The following LRRTM4 variants were observed in gnomAD, a reference collection of about 807,000 sequenced individuals.
The protein encoded by LRRTM4 is leucine-rich repeat transmembrane neuronal protein 4.
Under a neutral mutation model 47.6 loss-of-function variants are expected in LRRTM4, and 25 were observed. The observed-to-expected ratio is 0.53, with a 90% CI of 0.38 to 0.73. The LOEUF is 0.73. Among genes scored for constraint, LRRTM4 ranks in the 30% least tolerant of loss-of-function variants. The probability of loss-of-function intolerance (pLI) is 0.00; values close to 1 mark genes in which losing one functional copy is unlikely to be tolerated. For missense variants in LRRTM4, 638 were observed against 713.4 expected (o/e 0.89, Z 1.20); for synonymous variants, 311 against 269.5 (o/e 1.15, Z -1.51).
At chr2:77,072,800 CAAAAAAAA>C (rs373786120) in intron 3 of LRRTM4, among the ~76,000 whole-genome samples, 21 of 78,742 alleles carry the variant, frequency 2.7e-4, no homozygotes, top group African/African-American at 9.0e-4. Context: ...CTCCGTCTTC[CAAAAAAAA>C]AAAAAAAAAA....
chr2:76,996,576 T>C lies in LRRTM4; in HGVS notation c.1552-247660A>G, dbSNP rs145378934. Among the ~76,000 whole-genome samples, 248 of 152,140 alleles carry C rather than the reference T, an allele frequency of 1.6e-3. 1 individual carries two copies. The highest frequency in any genetic ancestry group is 0.01 in the Middle Eastern group (3 of 294). ...CACAGGAAAAATAAAAAAATGACTA[T>C]AAAGCTGCACTAATTCTTAAGTGCG... On this transcript the variant is annotated intron_variant, in intron 3 of 3. Coordinates refer to ENST00000409884, the MANE Select transcript of LRRTM4 (RefSeq NM_001134745.3).
intron 3 of LRRTM4, among the ~76,000 whole-genome samples, chr2:77,043,846 A>T (rs999782914): frequency 2.0e-5 from 3 of 151,738 alleles, no homozygotes; most frequent in African/African-American, 7.2e-5. Context: ...AAAAAAATCA[A>T]TTATAATGTC....
chr2:77,259,314 C>A lies in LRRTM4; in HGVS notation c.1551+259004G>T, dbSNP rs1279583333. On this transcript the variant is annotated intron_variant, in intron 3 of 3. Transcript: ENST00000409884. ...ATAAAGTGGAAACAATAATACTGTCCTTAAAAAGTGTTATGAGTGTCAATT... is the reference window on the plus strand; with the variant it reads ...ATAAAGTGGAAACAATAATACTGTCATTAAAAAGTGTTATGAGTGTCAATT... Among the ~76,000 whole-genome samples the A allele has an allele frequency of 2.6e-5, 4 of 152,076 alleles. No individual in the cohort carries two copies. The East Asian group carries it at 7.8e-4, about 29-fold the overall frequency.
chr2:76,873,522 A>ATATGTT lies in LRRTM4; in HGVS notation c.1552-124607_1552-124606insAACATA, dbSNP rs1672696603. 2.1e-5 allele frequency among the ~76,000 whole-genome samples: 3 copies of ATATGTT among 145,160 alleles called. No individual in the cohort carries two copies. In the Admixed American group the frequency reaches 2.1e-4, roughly 10 times the overall value. ...TATATGTGTGTATATATATATATATATATATATATATACAACATAGTTGTA... is the reference window on the plus strand; with the variant it reads ...TATATGTGTGTATATATATATATATATATGTTTATATATATATACAACATAGTTGTA... On this transcript the variant is annotated intron_variant, in intron 3 of 3. Coordinates refer to ENST00000409884, the MANE Select transcript of LRRTM4 (RefSeq NM_001134745.3).
At chr2:77,157,858 G>A (rs1321962592) in intron 3 of LRRTM4, among the ~76,000 whole-genome samples, 2 of 152,098 alleles carry the variant, frequency 1.3e-5, no homozygotes, top group Admixed American at 1.3e-4. Flanking sequence ...TATATTATGA[G>A]CATGCCATCA....
intron 3 of LRRTM4, among the ~76,000 whole-genome samples, chr2:77,242,911 T>A (rs1355035895): frequency 6.6e-6 from 1 of 152,098 alleles, no homozygotes; most frequent in Non-Finnish European, 1.5e-5. Flanking sequence ...CTTGAAAAAG[T>A]ATCTATACAC....
chr2:77,496,675 T>G (rs35587556), intron 3 of LRRTM4, among the ~76,000 whole-genome samples: 1,526 of 151,924 alleles, frequency 0.01, 13 homozygotes, highest in Non-Finnish European at 0.015. Flanking sequence ...GTAATGATTT[T>G]GGGGTATGAC....
chr2:76,840,702 G>C (rs75373598), intron 3 of LRRTM4, among the ~76,000 whole-genome samples: 11,292 of 152,190 alleles, frequency 0.074, 491 homozygotes, highest in Middle Eastern at 0.17. Context: ...GAAAACAAAA[G>C]AGAGAGAGAA....
At chr2:77,357,467 G>A (rs1342225325) in intron 3 of LRRTM4, among the ~76,000 whole-genome samples, 1 of 151,942 alleles carries the variant, frequency 6.6e-6, no homozygotes, top group African/African-American at 2.4e-5. Context: ...AATATTCCTG[G>A]TCCTCCTGAA....
At chr2:76,759,501 C>T (rs1347954017) in intron 3 of LRRTM4, among the ~76,000 whole-genome samples, 1 of 152,080 alleles carries the variant, frequency 6.6e-6, no homozygotes, top group East Asian at 1.9e-4. Context: ...ACTCTTAAGC[C>T]AGCAAACCTG....
At chr2:76,995,657 G>A (rs548165060) in intron 3 of LRRTM4, among the ~76,000 whole-genome samples, 19 of 152,146 alleles carry the variant, frequency 1.2e-4, no homozygotes, top group Non-Finnish European at 2.1e-4. Flanking sequence ...ACCTAGGAAA[G>A]CTGGAGGGAA....
At chr2:77,110,762 AT>A (rs1671227158) in intron 3 of LRRTM4, among the ~76,000 whole-genome samples, 1 of 152,192 alleles carries the variant, frequency 6.6e-6, no homozygotes. Flanking sequence ...GTACATTGAT[AT>A]TTCAAAAACA....
intron 3 of LRRTM4, among the ~76,000 whole-genome samples, chr2:76,784,459 T>C (rs1173582323): frequency 6.6e-6 from 1 of 152,008 alleles, no homozygotes; most frequent in Non-Finnish European, 1.5e-5. Flanking sequence ...TACATATACA[T>C]AGATATATTA....
intron 3 of LRRTM4, among the ~76,000 whole-genome samples, chr2:77,172,155 A>G (rs1267714387): frequency 6.6e-6 from 1 of 152,222 alleles, no homozygotes; most frequent in Non-Finnish European, 1.5e-5. Context: ...TAAGCCATAA[A>G]TATAAGAGAT....
intron 3 of LRRTM4, among the ~76,000 whole-genome samples, chr2:77,332,410 C>T (rs541692459): frequency 1.3e-5 from 2 of 152,242 alleles, no homozygotes; most frequent in South Asian, 2.1e-4. Context: ...GAATAACCTT[C>T]CTCTATAATT....
chr2:76,779,974 C>G lies in LRRTM4; in HGVS notation c.1552-31058G>C, dbSNP rs555301335. On this transcript the variant is annotated intron_variant, in intron 3 of 3. Transcript: ENST00000409884. ...CAGGCCTGGTGGTGACAAAATCTCT[C>G]AGCATTTGCTTGTCTGTAAAGTATT... Among the ~76,000 whole-genome samples, 99 of 152,184 alleles carry G rather than the reference C, an allele frequency of 6.5e-4. 1 individual carries two copies. Among genetic ancestry groups the G allele is most frequent in the Non-Finnish European group, 7.6e-4 (52 of 68,020 alleles).
Position 76,748,669 on chromosome 2 carries a change from T to G in LRRTM4, c.*26A>C. 4.4e-6 allele frequency: 6 copies of G among 1,362,882 alleles called. No homozygotes were observed. The highest frequency in any genetic ancestry group is 6.2e-6 in the Non-Finnish European group (6 of 961,392). 84.4% of individuals were successfully genotyped at this position (1,362,882 alleles called of 1,614,324 possible). A position where few individuals can be genotyped will look rare whatever the true frequency, so the allele number is the denominator to read the frequency against. On this transcript the variant is annotated 3_prime_UTR_variant, in exon 4 of 4. Coordinates refer to ENST00000409884, the MANE Select transcript of LRRTM4 (RefSeq NM_001134745.3). Reference sequence around the variant, plus strand: ...AGGCCCTCCCTCCCCCCCATGGAGCTCCCCAGTGAGGAGTTGGCTTCAGCG... The same window carrying G: ...AGGCCCTCCCTCCCCCCCATGGAGCGCCCCAGTGAGGAGTTGGCTTCAGCG...
rs574759091 is a variant in LRRTM4, at chr2:77,178,742, A to G, written c.1551+339576T>C. On this transcript the variant is annotated intron_variant, in intron 3 of 3. Transcript: ENST00000409884. The stretch of plus-strand genomic sequence containing the variant: ...TGTTCCTAATGTTTTATTATTGCAA[A>G]CACATTTTGGCATTGACTTTTTTTA... Among the ~76,000 whole-genome samples the G allele has an allele frequency of 3.3e-5, 5 of 152,296 alleles. No homozygotes were observed. In the South Asian group the frequency reaches 8.3e-4, roughly 25 times the overall value.
At chr2:76,845,389 G>A (rs184096546) in intron 3 of LRRTM4, among the ~76,000 whole-genome samples, 2 of 152,242 alleles carry the variant, frequency 1.3e-5, no homozygotes, top group East Asian at 1.9e-4. Flanking sequence ...CTACTTGGGA[G>A]GCTGAGGCAC....
Sources: gnomAD v4.1 joint callset for allele counts (sites outside exome capture counted in the v4.1 genomes callset) on GRCh38, gnomAD v4.1.1 for gene constraint, MANE v1.5 for transcripts, NCBI Gene and HGNC (gene_info 2026-07-23, HGNC 2026-07-21) for gene names.